Variants in ADAMTSL1 observed in about 807,000 individuals in gnomAD.
ADAMTSL1 encodes the protein ADAMTS-like protein 1.
A neutral mutation model predicts 201.8 loss-of-function variants in ADAMTSL1; 126 were observed. The ratio of observed to expected loss-of-function variants is 0.62; its 90% confidence interval spans 0.54 to 0.72. The LOEUF (loss-of-function observed/expected upper bound fraction) is 0.72. Among genes scored for constraint, ADAMTSL1 ranks in the 30% least tolerant of loss-of-function variants. ADAMTSL1 has a pLI of 0.00. For missense variants in ADAMTSL1, 2,679 were observed against 2,277.8 expected (o/e 1.18, Z -3.59); for synonymous variants, 1,121 against 903.4 (o/e 1.24, Z -4.32).
chr9:18,728,991 C>T lies in ADAMTSL1; in HGVS notation c.2006+7326C>T, dbSNP rs144524322. 6.2e-3 allele frequency among the ~76,000 whole-genome samples: 946 copies of T among 152,280 alleles called. 13 individuals carry two copies. The highest frequency in any genetic ancestry group is 0.02 in the African/African-American group (851 of 41,546). ...TGGTGGTTAGCTTTTACTGTAGGCA[C>T]GTTTCCTTTTTCTCATGTAGAGTCA... On this transcript the variant is annotated intron_variant, in intron 15 of 28. Transcript: ENST00000380548.
At chr9:18,249,367 CT>C (rs1339390941) in intron 2 of ADAMTSL1, among the ~76,000 whole-genome samples, 3 of 152,164 alleles carry the variant, frequency 2.0e-5, no homozygotes, top group African/African-American at 7.2e-5. Context: ...AAAGTTATCA[CT>C]TCTGTCAATA....
At chr9:18,477,548 G>A (rs554487535) in intron 1 of ADAMTSL1, among the ~76,000 whole-genome samples, 4 of 152,248 alleles carry the variant, frequency 2.6e-5, no homozygotes, top group South Asian at 2.1e-4. Context: ...ACAGGAGACC[G>A]CGGCCTGTTC....
intron 4 of ADAMTSL1, among the ~76,000 whole-genome samples, chr9:18,595,476 T>C (rs1824202159): frequency 6.6e-6 from 1 of 151,918 alleles, no homozygotes; most frequent in South Asian, 2.1e-4. Context: ...AAAAGTAAGT[T>C]CCTGCACAGG....
At chr9:18,738,498 T>C (rs958165662) in intron 15 of ADAMTSL1, among the ~76,000 whole-genome samples, 2 of 152,150 alleles carry the variant, frequency 1.3e-5, no homozygotes, top group African/African-American at 4.8e-5. Context: ...AGTCAAGAAA[T>C]AGGAATTCAG....
At chr9:18,650,957 T>C (rs552089935) in intron 7 of ADAMTSL1, among the ~76,000 whole-genome samples, 1 of 152,218 alleles carries the variant, frequency 6.6e-6, no homozygotes, top group Non-Finnish European at 1.5e-5. Flanking sequence ...AGATAATGTA[T>C]ATAAAAGTGG....
At chr9:18,731,640 G>A (rs1480410640) in intron 15 of ADAMTSL1, among the ~76,000 whole-genome samples, 1 of 152,080 alleles carries the variant, frequency 6.6e-6, no homozygotes, top group African/African-American at 2.4e-5. Context: ...AAAGAAAAGA[G>A]GTTTAATTAG....
intron 2 of ADAMTSL1, among the ~76,000 whole-genome samples, chr9:18,303,302 A>G (rs1456131963): frequency 2.0e-5 from 3 of 152,196 alleles, no homozygotes; most frequent in Non-Finnish European, 4.4e-5. Context: ...GCCTACCCTG[A>G]AGACCTTTCT....
At chr9:18,245,258 A>T (rs1174742552) in intron 2 of ADAMTSL1, among the ~76,000 whole-genome samples, 2 of 152,006 alleles carry the variant, frequency 1.3e-5, no homozygotes, top group African/African-American at 4.8e-5. Context: ...CATTTAAAAG[A>T]AAAGAAATAG....
intron 2 of ADAMTSL1, among the ~76,000 whole-genome samples, chr9:18,314,705 C>T (rs1586878025): frequency 6.8e-6 from 1 of 147,810 alleles, no homozygotes; most frequent in Admixed American, 6.9e-5. Context: ...AGGTTTATCT[C>T]GAAGAGCAAA....
At chr9:18,574,816 A>T (rs1270496411) in intron 4 of ADAMTSL1, among the ~76,000 whole-genome samples, 1 of 152,134 alleles carries the variant, frequency 6.6e-6, no homozygotes, top group Admixed American at 6.6e-5. Context: ...TTAAAACAGG[A>T]TTACAAAAAG....
At chr9:18,090,553 A>G (rs1823966143) in intron 1 of ADAMTSL1, among the ~76,000 whole-genome samples, 1 of 152,188 alleles carries the variant, frequency 6.6e-6, no homozygotes, top group Non-Finnish European at 1.5e-5. Context: ...TAAAATTCAG[A>G]GACAGAAAAA....
intron 2 of ADAMTSL1, among the ~76,000 whole-genome samples, chr9:18,180,940 A>G (rs981291418): frequency 3.3e-5 from 5 of 152,220 alleles, no homozygotes; most frequent in Admixed American, 6.5e-5. Flanking sequence ...AAACAGCGAT[A>G]TTGATCAATG....
chr9:18,485,633 C>T (rs1054289348), intron 1 of ADAMTSL1, among the ~76,000 whole-genome samples: 3 of 152,192 alleles, frequency 2.0e-5, no homozygotes, highest in African/African-American at 7.2e-5. Context: ...GGAAGTTCAT[C>T]AGGCAGATAA....
chr9:18,711,508 C>CA (rs1832598710), intron 14 of ADAMTSL1, among the ~76,000 whole-genome samples: 1 of 152,230 alleles, frequency 6.6e-6, no homozygotes, highest in Non-Finnish European at 1.5e-5. Flanking sequence ...AAAATCGGGT[C>CA]ACTCCCACCC....
At chr9:18,146,835 C>T (rs1053854431) in intron 1 of ADAMTSL1, among the ~76,000 whole-genome samples, 3 of 152,054 alleles carry the variant, frequency 2.0e-5, no homozygotes, top group Non-Finnish European at 2.9e-5. Flanking sequence ...TACAAGAATG[C>T]ATTTAAATAT....
chr9:18,297,355 C>T (rs1159949233), intron 2 of ADAMTSL1, among the ~76,000 whole-genome samples: 3 of 150,804 alleles, frequency 2.0e-5, no homozygotes, highest in Non-Finnish European at 4.4e-5. Flanking sequence ...TAACTTTTTT[C>T]TTTTTTTCTT....
In ADAMTSL1 at chr9:18,029,259, C is replaced by T. The variant is rs577222302; in HGVS notation, c.87+122337C>T. Reference sequence around the variant, plus strand: ...ATTTGAATACCCTTTGTTTCCTTCTCCTGCCTCATTGCCCTGGCCAGAACA... The same window carrying T: ...ATTTGAATACCCTTTGTTTCCTTCTTCTGCCTCATTGCCCTGGCCAGAACA... On this transcript the variant is annotated intron_variant, in intron 1 of 29. Transcript: ENST00000680146. Among the ~76,000 whole-genome samples, 19 of 152,172 alleles carry T rather than the reference C, an allele frequency of 1.2e-4. No individual in the cohort carries two copies. The East Asian group carries it at 1.4e-3, about 11-fold the overall frequency.
At chr9:18,468,428 G>T (rs890902696) in intron 2 of ADAMTSL1, among the ~76,000 whole-genome samples, 1 of 151,964 alleles carries the variant, frequency 6.6e-6, no homozygotes, top group African/African-American at 2.4e-5. Context: ...GAAAAATTGA[G>T]AGACATGTCC....
intron 1 of ADAMTSL1, among the ~76,000 whole-genome samples, chr9:17,932,376 G>C (rs1826832037): frequency 6.6e-6 from 1 of 152,148 alleles, no homozygotes; most frequent in Admixed American, 6.5e-5. Context: ...GTTCTGTGAG[G>C]CTGTTTCGAG....
Sources: gnomAD v4.1 joint callset for allele counts (sites outside exome capture counted in the v4.1 genomes callset) on GRCh38, gnomAD v4.1.1 for gene constraint, MANE v1.5 for transcripts, NCBI Gene and HGNC (gene_info 2026-07-23, HGNC 2026-07-21) for gene names.